Variants in PRKN observed in about 807,000 individuals in gnomAD.
PRKN encodes the protein parkin RBR E3 ubiquitin protein ligase.
Under a neutral mutation model 59.5 loss-of-function variants are expected in PRKN, and 56 were observed. The ratio of observed to expected loss-of-function variants is 0.94; its 90% CI spans 0.76 to 1.18. The LOEUF (loss-of-function observed/expected upper bound fraction) is 1.18, where lower values mean the gene tolerates loss of function less well. PRKN is among the 50% of genes most tolerant of loss of function. The pLI is 0.00. For synonymous variants in PRKN, 250 were observed against 222.1 expected, an observed-to-expected ratio of 1.13 and a Z score of -1.12; for missense variants, 657 against 596.4, an observed-to-expected ratio of 1.10 and a Z score of -1.06.
chr6:161,412,144 C>T (rs1260714504), intron 9 of PRKN, among the ~76,000 whole-genome samples: 1 of 150,162 alleles, frequency 6.7e-6, no homozygotes, highest in East Asian at 2.0e-4. Flanking sequence ...CTCACTCATT[C>T]CTTCCTCACT....
intron 9 of PRKN, among the ~76,000 whole-genome samples, chr6:161,425,613 C>T (rs1489400893): frequency 2.0e-5 from 3 of 152,116 alleles, no homozygotes; most frequent in African/African-American, 4.8e-5. Context: ...GGACTAGTCC[C>T]CCTTGGCTAC....
chr6:162,586,911 T>C (rs1008121324), intron 1 of PRKN, among the ~76,000 whole-genome samples: 12 of 152,290 alleles, frequency 7.9e-5, no homozygotes, highest in East Asian at 1.9e-4. Context: ...ATGCCCGTGA[T>C]AGGCACTGTG....
At position 161,384,199 on chromosome 6, in the gene PRKN, C is replaced by T. The variant is rs961452724; in HGVS notation, c.1167+2595G>A. 2.6e-5 allele frequency among the ~76,000 whole-genome samples: 4 copies of T among 152,134 alleles called. No homozygotes were observed. The South Asian group carries it at 6.2e-4, about 24-fold the overall frequency. ...AGGGACGTTGTCTTACTCTTTGTCC[C>T]GAGGGCCTAGAACCATGCCTAACAT... On this transcript the variant is annotated intron_variant, in intron 10 of 11. Coordinates refer to ENST00000366898, the MANE Select transcript of PRKN (RefSeq NM_004562.3).
intron 2 of PRKN, among the ~76,000 whole-genome samples, chr6:162,379,466 C>T (rs1786309241): frequency 1.3e-5 from 2 of 152,246 alleles, no homozygotes; most frequent in African/African-American, 4.8e-5. Context: ...TCTTTCTCTA[C>T]CCCTCAAGAC....
At chr6:162,193,765 A>G (rs552728505) in intron 4 of PRKN, among the ~76,000 whole-genome samples, 93 of 152,274 alleles carry the variant, frequency 6.1e-4, no homozygotes, top group Non-Finnish European at 1.1e-3. Flanking sequence ...AAATTTGATT[A>G]TTTATGAACT....
chr6:162,447,024 G>A (rs1790347459), intron 1 of PRKN, among the ~76,000 whole-genome samples: 1 of 152,156 alleles, frequency 6.6e-6, no homozygotes, highest in South Asian at 2.1e-4. Context: ...TTAGCTTCCT[G>A]ATCTAATAAA....
chr6:162,238,397 T>A (rs979667924), intron 3 of PRKN, among the ~76,000 whole-genome samples: 1 of 152,194 alleles, frequency 6.6e-6, no homozygotes, highest in African/African-American at 2.4e-5. Flanking sequence ...AAGAAGATTG[T>A]CTAACCATGT....
chr6:161,539,798 C>T (rs184430806), intron 9 of PRKN, among the ~76,000 whole-genome samples: 1 of 152,224 alleles, frequency 6.6e-6, no homozygotes, highest in East Asian at 1.9e-4. Context: ...CAGAAAATAT[C>T]TTATATGCTC....
intron 9 of PRKN, among the ~76,000 whole-genome samples, chr6:161,501,825 G>A (rs1777974879): frequency 6.6e-6 from 1 of 152,190 alleles, no homozygotes; most frequent in African/African-American, 2.4e-5. Context: ...GACAGGCCTT[G>A]GACAGACAGG....
At chr6:162,181,888 T>G (rs1783818088) in intron 4 of PRKN, among the ~76,000 whole-genome samples, 1 of 152,120 alleles carries the variant, frequency 6.6e-6, no homozygotes, top group East Asian at 1.9e-4. Flanking sequence ...TTGCCAAAGG[T>G]CACACATCTA....
At chr6:162,685,988 G>C (rs1267179948) in intron 1 of PRKN, among the ~76,000 whole-genome samples, 1 of 152,144 alleles carries the variant, frequency 6.6e-6, no homozygotes, top group African/African-American at 2.4e-5. Context: ...TATAGCGAAC[G>C]TCCATTCTGA....
intron 2 of PRKN, among the ~76,000 whole-genome samples, chr6:162,310,704 C>A (rs1782465865): frequency 6.6e-6 from 1 of 151,536 alleles, no homozygotes. Context: ...TGTAACAAAC[C>A]TGCACATTGT....
intron 2 of PRKN, among the ~76,000 whole-genome samples, chr6:162,425,003 A>G (rs1789163492): frequency 6.6e-6 from 1 of 152,090 alleles, no homozygotes; most frequent in African/African-American, 2.4e-5. Flanking sequence ...AATTAGAACT[A>G]AAATCCTTAT....
At chr6:162,529,752 T>C (rs1778433416) in intron 1 of PRKN, among the ~76,000 whole-genome samples, 1 of 152,156 alleles carries the variant, frequency 6.6e-6, no homozygotes, top group Non-Finnish European at 1.5e-5. Flanking sequence ...AAGGCAAGAA[T>C]GCTACATCAA....
chr6:162,103,041 T>C (rs1298470685), intron 4 of PRKN, among the ~76,000 whole-genome samples: 1 of 104,882 alleles, frequency 9.5e-6, no homozygotes, highest in Admixed American at 1.1e-4. Context: ...AGACTCTGTC[T>C]CAAAAAAAAA....
chr6:162,640,850 C>T (rs1324892017), intron 1 of PRKN, among the ~76,000 whole-genome samples: 1 of 152,184 alleles, frequency 6.6e-6, no homozygotes, highest in East Asian at 1.9e-4. Flanking sequence ...GGTATAAACT[C>T]TAGCCTGAAG....
chr6:162,156,843 T>C (rs1356501495), intron 4 of PRKN, among the ~76,000 whole-genome samples: 1 of 152,110 alleles, frequency 6.6e-6, no homozygotes, highest in Non-Finnish European at 1.5e-5. Flanking sequence ...GGAACAGAGA[T>C]GGACATCACC....
intron 5 of PRKN, among the ~76,000 whole-genome samples, chr6:162,051,729 G>T (rs1020403398): frequency 6.6e-6 from 1 of 152,046 alleles, no homozygotes; most frequent in Non-Finnish European, 1.5e-5. Context: ...CTCCATCCTG[G>T]TGGGGCAGCT....
At chr6:161,433,073 A>C (rs1053526262) in intron 9 of PRKN, among the ~76,000 whole-genome samples, 1 of 152,210 alleles carries the variant, frequency 6.6e-6, no homozygotes, top group African/African-American at 2.4e-5. Flanking sequence ...GAAAAATAAA[A>C]ATATGTTTTG....
Sources: gnomAD v4.1 joint callset for allele counts (sites outside exome capture counted in the v4.1 genomes callset) on GRCh38, gnomAD v4.1.1 for gene constraint, MANE v1.5 for transcripts, NCBI Gene and HGNC (gene_info 2026-07-23, HGNC 2026-07-21) for gene names.